SLC44A5: variants seen among roughly 807,000 people sequenced by gnomAD.
SLC44A5 encodes the protein choline transporter-like protein 5.
In SLC44A5, 57 loss-of-function variants were observed where a neutral mutation model predicts 101.8. The observed-to-expected ratio is 0.56, with a 90% CI of 0.45 to 0.70. The LOEUF is 0.70. SLC44A5 is among the 30% of genes least tolerant of loss of function. The pLI, the probability that SLC44A5 is intolerant of heterozygous loss-of-function variation, is 0.00. For missense variants in SLC44A5, 737 were observed against 853.1 expected, an observed-to-expected ratio of 0.86 and a Z score of 1.70; for synonymous variants, 281 against 290.9, an observed-to-expected ratio of 0.97 and a Z score of 0.35.
Position 75,242,903 on chromosome 1 carries a change from T to C in SLC44A5, c.454A>G (p.Thr152Ala), listed in dbSNP as rs761135745. 6.2e-7 allele frequency: 1 copy of C among 1,610,640 alleles called. No homozygotes were observed. Among genetic ancestry groups the C allele is most frequent in the Non-Finnish European group, 8.5e-7 (1 of 1,178,388 alleles). ...ACACATACCTTCACAGGCTTAGCAGTGGTCTTACAGAACTGACGGTAGTCT... is the reference window on the plus strand; with the variant it reads ...ACACATACCTTCACAGGCTTAGCAGCGGTCTTACAGAACTGACGGTAGTCT... Reference protein sequence around the residue: ...WEDYRQFCKTTAKPVKSLTQL... With the variant: ...WEDYRQFCKTAAKPVKSLTQL... Residue 152 changes from threonine to alanine, a missense_variant, in exon 8 of 24, where the codon ACT becomes GCT. Around this residue, in one of 3 missense-constraint regions of SLC44A5, gnomAD observed 665 missense variants for 764.4 expected, o/e 0.87. Coordinates refer to ENST00000370859, the MANE Select transcript of SLC44A5 (RefSeq NM_001130058.2).
the SLC44A5 span, chr1:75,677,604 A>T: frequency 2.7e-5 from 8 of 299,196 alleles, no homozygotes; most frequent in Admixed American, 4.0e-4. Flanking sequence ...GAAAACTAAT[A>T]ACAAAATGGT....
At chr1:75,306,292 A>G (rs1436905650) in intron 4 of SLC44A5, among the ~76,000 whole-genome samples, 1 of 152,162 alleles carries the variant, frequency 6.6e-6, no homozygotes, top group Non-Finnish European at 1.5e-5. Context: ...AAAGTCCTCT[A>G]TTGCAGCATT....
chr1:75,480,114 A>G (rs1383095462), intron 2 of SLC44A5, among the ~76,000 whole-genome samples: 1 of 152,258 alleles, frequency 6.6e-6, no homozygotes, highest in African/African-American at 2.4e-5. Context: ...AAATCAATAA[A>G]TGTAATCCAG....
At chr1:75,260,233 A>C (rs1261410246) in intron 6 of SLC44A5, among the ~76,000 whole-genome samples, 1 of 152,198 alleles carries the variant, frequency 6.6e-6, no homozygotes, top group Non-Finnish European at 1.5e-5. Flanking sequence ...CAGACTGGCA[A>C]ATTGGATAAA....
chr1:75,218,549 C>T lies in SLC44A5; in HGVS notation c.1470G>A (p.Met490Ile), dbSNP rs138689403. ...ATCGTGGGATGTCATCAGGTTTTTT[C>T]ATGGCCCAGTAATAAGTAGCGAATG... ...AGAFATYYWA[M>I]KKPDDIPRYP... The change falls in exon 17 of 24, where the codon ATG (methionine) becomes ATA (isoleucine). Residue 490 changes from methionine (M) to isoleucine (I), a missense_variant. Met to Ile is a conservative substitution (Grantham distance 10). This residue lies in a region of SLC44A5 where 665 missense variants were observed against 764.4 expected (regional missense o/e 0.87). Coordinates refer to ENST00000370859, the MANE Select transcript of SLC44A5 (RefSeq NM_001130058.2). The T allele has an allele frequency of 1.1e-5, 18 of 1,613,672 alleles. No homozygotes were observed. The highest frequency in any genetic ancestry group is 2.2e-5 in the South Asian group (2 of 91,070).
At chr1:75,594,803 GAA>G (rs1229283155) in intron 1 of SLC44A5, among the ~76,000 whole-genome samples, 2 of 151,330 alleles carry the variant, frequency 1.3e-5, no homozygotes, top group Admixed American at 1.3e-4. Flanking sequence ...TAGTAAAAAA[GAA>G]AGATTATTAA....
intron 2 of SLC44A5, among the ~76,000 whole-genome samples, chr1:75,533,968 A>T (rs1226653121): frequency 3.3e-5 from 5 of 152,174 alleles, no homozygotes; most frequent in African/African-American, 1.2e-4. Flanking sequence ...AAAAGTCATA[A>T]AAAAAGCAGA....
chr1:75,525,919 T>C (rs1670384197), intron 2 of SLC44A5, among the ~76,000 whole-genome samples: 1 of 152,236 alleles, frequency 6.6e-6, no homozygotes, highest in South Asian at 2.1e-4. Context: ...GCGTTCATAT[T>C]GTACTATTCT....
the SLC44A5 span, among the ~76,000 whole-genome samples, chr1:75,701,729 C>A: frequency 3.0e-4 from 46 of 152,130 alleles, no homozygotes; most frequent in African/African-American, 4.8e-4. Context: ...TCCTGTTTGC[C>A]GATGACATGA....
chr1:75,302,243 G>A (rs12057610), intron 4 of SLC44A5, among the ~76,000 whole-genome samples: 1 of 148,786 alleles, frequency 6.7e-6, no homozygotes, highest in Non-Finnish European at 1.5e-5. Context: ...GTCTGTCAGA[G>A]CAGTTGTTAC....
chr1:75,483,302 T>G (rs565882603), intron 2 of SLC44A5, among the ~76,000 whole-genome samples: 60 of 152,296 alleles, frequency 3.9e-4, no homozygotes, highest in African/African-American at 1.4e-3. Context: ...CAGATATCAT[T>G]TTTATTACTG....
intron 4 of SLC44A5, among the ~76,000 whole-genome samples, chr1:75,330,436 T>C (rs1656963820): frequency 6.6e-6 from 1 of 152,128 alleles, no homozygotes; most frequent in African/African-American, 2.4e-5. Context: ...ACCAAAACTA[T>C]TGACACTCCA....
chr1:75,301,494 A>G (rs1328856948), intron 4 of SLC44A5, among the ~76,000 whole-genome samples: 2 of 152,212 alleles, frequency 1.3e-5, no homozygotes, highest in Non-Finnish European at 2.9e-5. Flanking sequence ...TCCGTTAGTA[A>G]AGAAAAAGAT....
the SLC44A5 span, among the ~76,000 whole-genome samples, chr1:75,700,858 A>G: frequency 6.6e-6 from 1 of 152,232 alleles, no homozygotes; most frequent in Non-Finnish European, 1.5e-5. Context: ...ACAAACTACC[A>G]TCAGAGAATA....
chr1:75,645,655 G>T, the SLC44A5 span, among the ~76,000 whole-genome samples: 4 of 150,242 alleles, frequency 2.7e-5, no homozygotes, highest in South Asian at 2.2e-4. Context: ...GTCAATTTTG[G>T]CTTTTGTTGC....
chr1:75,431,839 C>A (rs932294283), intron 2 of SLC44A5, among the ~76,000 whole-genome samples: 1 of 152,074 alleles, frequency 6.6e-6, no homozygotes, highest in African/African-American at 2.4e-5. Context: ...CAAGTAAATG[C>A]TCAAAAGTAT....
the SLC44A5 span, among the ~76,000 whole-genome samples, chr1:75,679,050 G>C: frequency 2.6e-3 from 392 of 152,204 alleles, 3 homozygotes; most frequent in African/African-American, 9.0e-3. Context: ...AGCGAGAAGG[G>C]AAGTTTAGAG....
At chr1:75,343,962 T>C (rs973238355) in intron 3 of SLC44A5, among the ~76,000 whole-genome samples, 4 of 152,168 alleles carry the variant, frequency 2.6e-5, no homozygotes, top group Admixed American at 2.0e-4. Context: ...CTTTTTACGA[T>C]ATGGCTCATC....
At chr1:75,240,583 C>G (rs1648531240) in intron 9 of SLC44A5, among the ~76,000 whole-genome samples, 3 of 151,980 alleles carry the variant, frequency 2.0e-5, no homozygotes, top group Admixed American at 2.0e-4. Flanking sequence ...TTGATTTTGG[C>G]TATGGACATT....
Sources: allele counts gnomAD v4.1 joint callset (sites outside exome capture counted in the v4.1 genomes callset), GRCh38; gene constraint gnomAD v4.1.1; regional missense constraint gnomAD v4.1.1; transcripts MANE v1.5; gene names NCBI Gene and HGNC (gene_info 2026-07-23, HGNC 2026-07-21).